The following ELMOD2 variants were observed in gnomAD, a reference collection of about 807,000 sequenced individuals.
ELMOD2 encodes ELMO domain-containing protein 2.
In ELMOD2, 28 loss-of-function variants were observed where a neutral mutation model predicts 41.0. That is an observed-to-expected ratio of 0.68 (90% CI 0.51 to 0.94). ELMOD2 has a LOEUF of 0.94. ELMOD2 is among the 40% of genes least tolerant of loss of function. The pLI, the probability that ELMOD2 is intolerant of heterozygous loss-of-function variation, is 0.00. For missense variants in ELMOD2, 333 were observed against 343.1 expected (o/e 0.97, Z 0.23); for synonymous variants, 106 against 107.2 (o/e 0.99, Z 0.07).
At chr4:140,538,234 C>A (rs1485399422) in intron 5 of ELMOD2, among the ~76,000 whole-genome samples, 3 of 152,120 alleles carry the variant, frequency 2.0e-5, no homozygotes, top group Non-Finnish European at 4.4e-5. Context: ...TGCTTTAGTA[C>A]TAGAATGGTA....
chr4:140,541,007 C>A (rs1165746063), intron 6 of ELMOD2, among the ~76,000 whole-genome samples: 1 of 152,182 alleles, frequency 6.6e-6, no homozygotes, highest in African/African-American at 2.4e-5. Flanking sequence ...ACCTGCATTC[C>A]TGACTTGGTA....
chr4:140,534,613 C>T (rs761396830), intron 3 of ELMOD2, among the ~76,000 whole-genome samples: 28 of 152,130 alleles, frequency 1.8e-4, no homozygotes, highest in African/African-American at 2.4e-4. Context: ...TGTGGTTTCT[C>T]GTCTTGACTC....
In ELMOD2 at chr4:140,525,493, T is replaced by TA; in HGVS notation, c.66dup (p.Arg23ThrfsTer8). The TA allele has an allele frequency of 2.5e-6, 4 of 1,614,050 alleles. No homozygotes were observed. Among genetic ancestry groups the TA allele is most frequent in the Non-Finnish European group, 3.4e-6 (4 of 1,179,960 alleles). On this transcript the variant is annotated frameshift_variant, in exon 2 of 9. Coordinates refer to ENST00000323570, the MANE Select transcript of ELMOD2 (RefSeq NM_153702.4). LOFTEE classifies it high-confidence loss of function. Reference sequence around the variant, plus strand: ...TTTCGATTTTGGATGAAATGGCTATTACGACAGATGACTGGGAAGTGTGAA... The same window carrying TA: ...TTTCGATTTTGGATGAAATGGCTATTAACGACAGATGACTGGGAAGTGTGAA...
chr4:140,529,593 A>G (rs1243323337), intron 3 of ELMOD2, among the ~76,000 whole-genome samples: 1 of 152,000 alleles, frequency 6.6e-6, no homozygotes, highest in Non-Finnish European at 1.5e-5. Flanking sequence ...TTTATCTACT[A>G]CTGTTCTTGC....
Position 140,553,325 on chromosome 4 carries a change from C to A in ELMOD2, c.*2950C>A, listed in dbSNP as rs1365956395. On this transcript the variant is annotated 3_prime_UTR_variant, in exon 9 of 9. Coordinates refer to ENST00000323570, the MANE Select transcript of ELMOD2 (RefSeq NM_153702.4). ...ATTATCCTTTTTGAAATAACAGGGA[C>A]CAGCAGCAGTTTTCTCAGGATAAAT... is the stretch of plus-strand genomic sequence containing the variant. 6.6e-6 allele frequency: 1 copy of A among 152,068 alleles called. No individual in the cohort carries two copies. Among genetic ancestry groups the A allele is most frequent in the African/African-American group, 2.4e-5 (1 of 41,402 alleles). The allele number at this position is 152,068 out of a possible 1,614,324, so 9.4% of individuals were successfully genotyped here.
intron 8 of ELMOD2, 63 bp downstream of exon 8, chr4:140,543,649 T>A: frequency 8.2e-7 from 1 of 1,218,318 alleles, no homozygotes; most frequent in Non-Finnish European, 1.1e-6. Flanking sequence ...ACTAGGAATG[T>A]ATAATATATA....
chr4:140,543,375 A>G (rs1174809116), intron 7 of ELMOD2, 78 bp from the exon 8 acceptor site: 15 of 1,471,098 alleles, frequency 1.0e-5, no homozygotes, highest in Non-Finnish European at 1.4e-5. Flanking sequence ...GTCACTTTCT[A>G]CTAATTCCTA....
At chr4:140,534,475 G>A (rs1185914052) in intron 3 of ELMOD2, among the ~76,000 whole-genome samples, 1 of 152,036 alleles carries the variant, frequency 6.6e-6, no homozygotes, top group Non-Finnish European at 1.5e-5. Context: ...TGGATTATCT[G>A]GATGTATGTA....
At chr4:140,537,209 T>C (rs899442050) in intron 4 of ELMOD2, among the ~76,000 whole-genome samples, 1 of 152,172 alleles carries the variant, frequency 6.6e-6, no homozygotes, top group African/African-American at 2.4e-5. Context: ...TTGCCATTCC[T>C]ACCATGTCTT....
chr4:140,540,975 C>T (rs914223222), intron 6 of ELMOD2, among the ~76,000 whole-genome samples: 2 of 152,144 alleles, frequency 1.3e-5, no homozygotes, highest in Non-Finnish European at 2.9e-5. Flanking sequence ...ATATGTTCTT[C>T]ACCACCTGTG....
rs1734942456 is a variant in ELMOD2 at position 140,536,796 on chromosome 4, T to C, written c.270-616T>C. On this transcript the variant is annotated intron_variant, in intron 4 of 8. Coordinates refer to ENST00000323570, the MANE Select transcript of ELMOD2 (RefSeq NM_153702.4). ...AATAAAGAATAGGAAATTTGAGTTA[T>C]TCAGGTAAGAAATGACAAAGGCATA... Among the ~76,000 whole-genome samples, 4 of 152,284 alleles carry C rather than the reference T, an allele frequency of 2.6e-5. No homozygotes were observed. In the South Asian group the frequency reaches 8.3e-4, roughly 32 times the overall value.
intron 6 of ELMOD2, 98 bp from the exon 7 acceptor site, chr4:140,542,476 T>G: frequency 1.2e-6 from 1 of 821,824 alleles, no homozygotes; most frequent in Non-Finnish European, 1.9e-6. Flanking sequence ...ATGGCAATAC[T>G]AGGACTATGA....
At chr4:140,527,923 C>G (rs1734623135) in intron 3 of ELMOD2, 1 of 154,768 alleles carries the variant, frequency 6.5e-6, no homozygotes. Flanking sequence ...GTGTAACAAA[C>G]TATAATAAAA....
At chr4:140,538,390 C>T (rs1026753644) in intron 5 of ELMOD2, among the ~76,000 whole-genome samples, 1 of 152,062 alleles carries the variant, frequency 6.6e-6, no homozygotes, top group Non-Finnish European at 1.5e-5. Flanking sequence ...TTGATACTAT[C>T]TAAATAACAC....
intron 3 of ELMOD2, among the ~76,000 whole-genome samples, chr4:140,530,899 T>C (rs1275152447): frequency 3.9e-5 from 6 of 152,174 alleles, no homozygotes; most frequent in Admixed American, 3.9e-4. Context: ...AATCCTGATA[T>C]TATCAATTAC....
intron 3 of ELMOD2, among the ~76,000 whole-genome samples, chr4:140,534,220 A>G (rs1734838968): frequency 6.6e-6 from 1 of 152,206 alleles, no homozygotes; most frequent in Non-Finnish European, 1.5e-5. Flanking sequence ...TAAAAGGGAC[A>G]AATTACAGAT....
rs568107674 is a variant in ELMOD2 at position 140,542,414 on chromosome 4, C to G, written c.534-160C>G. On this transcript the variant is annotated intron_variant, in intron 6 of 8. Transcript: ENST00000323570. ...CCTGATAGCTTGGGAAATTTTGATT[C>G]AGAAGCATTTGTGAATCACTGAAGT... The G allele has an allele frequency of 1.3e-5, 7 of 530,444 alleles. No homozygotes were observed. In the South Asian group the frequency reaches 2.2e-4, roughly 17 times the overall value. 32.9% of individuals were successfully genotyped at this position (530,444 alleles called of 1,614,324 possible).
chr4:140,525,312 T>G lies in ELMOD2; in HGVS notation c.-9-108T>G, dbSNP rs76682875. ...AATTAAACTGTCAAAACAGACACAA[T>G]GAAATGATAGATACATAATTTGAGA... On this transcript the variant is annotated intron_variant, in intron 1 of 8. Coordinates refer to ENST00000323570, the MANE Select transcript of ELMOD2 (RefSeq NM_153702.4). The G allele has an allele frequency of 1.4e-3, 1,679 of 1,208,768 alleles. 23 individuals carry two copies. The African/African-American group carries it at 0.023, about 17-fold the overall frequency. 74.9% of individuals were successfully genotyped at this position (1,208,768 alleles called of 1,614,324 possible).
rs1735522690 is a variant in ELMOD2 at position 140,553,487 on chromosome 4, GTGTTTGGGGTTTTTTTC to G, written c.*3116_*3132del. ...AATCTGAGAGGAATGATGACTGGAG[GTGTTTGGGGTTTTTTTC>G]TGTATTCATTTTTTAATGAGAAAAG... is the stretch of plus-strand genomic sequence containing the variant. On this transcript the variant is annotated 3_prime_UTR_variant, in exon 9 of 9. Transcript: ENST00000323570. 1 of 152,122 alleles carries G rather than the reference GTGTTTGGGGTTTTTTTC, an allele frequency of 6.6e-6. No individual in the cohort carries two copies. Among genetic ancestry groups the G allele is most frequent in the South Asian group, 2.1e-4 (1 of 4,834 alleles). The allele number at this position is 152,122 out of a possible 1,614,324, so 9.4% of individuals were successfully genotyped here.
Sources: allele counts gnomAD v4.1 joint callset (sites outside exome capture counted in the v4.1 genomes callset), GRCh38; gene constraint gnomAD v4.1.1; transcripts MANE v1.5; gene names NCBI Gene and HGNC (gene_info 2026-07-23, HGNC 2026-07-21).